SEPTIN4: variants seen among roughly 807,000 people sequenced by gnomAD.
SEPTIN4 encodes septin 4.
SEPTIN4 carries 52 observed loss-of-function variants against 107.1 expected under a neutral mutation model. The observed-to-expected ratio is 0.49, with a 90% CI of 0.39 to 0.61. The LOEUF (loss-of-function observed/expected upper bound fraction) is 0.61. Among genes scored for constraint, SEPTIN4 ranks in the 20% least tolerant of loss-of-function variants. The pLI, the probability that SEPTIN4 is intolerant of heterozygous loss-of-function variation, is 0.00. For synonymous variants in SEPTIN4, 417 were observed against 467.0 expected (o/e 0.89, Z 1.38); for missense variants, 1,048 against 1,243.5 (o/e 0.84, Z 2.36).
chr17:58,543,514 GGAGA>G lies in SEPTIN4; in HGVS notation c.669_672del (p.Leu224Ter). The G allele has an allele frequency of 6.2e-7, 1 of 1,614,192 alleles. No homozygotes were observed. The highest frequency in any genetic ancestry group is 8.5e-7 in the Non-Finnish European group (1 of 1,180,032). On this transcript the variant is annotated frameshift_variant, in exon 1 of 14. Transcript: ENST00000672673. LOFTEE classifies it high-confidence loss of function. The stretch of plus-strand genomic sequence containing the variant: ...GAGACACAGCTGCTTCCGTGCTCTA[GGAGA>G]GAGGGACTCCTTGGAGATCTGATCT...
chr17:58,520,365 G>T lies in SEPTIN4; in HGVS notation c.*61C>A. ...GGGGCCTGAGCAGAGCTGGTGCTGG[G>T]AGGGGCCGGCATGGACAGGAAGAAG... On this transcript the variant is annotated 3_prime_UTR_variant, in exon 14 of 14. Transcript: ENST00000672673. The T allele has an allele frequency of 6.5e-7, 1 of 1,534,938 alleles. No individual in the cohort carries two copies. The highest frequency in any genetic ancestry group is 1.1e-5 in the South Asian group (1 of 87,304).
chr17:58,523,357 G>A (rs1224801993), intron 7 of SEPTIN4, among the ~76,000 whole-genome samples: 2 of 143,080 alleles, frequency 1.4e-5, no homozygotes, highest in East Asian at 2.1e-4. Flanking sequence ...GCAACAGAGT[G>A]AGAACCAGTC....
At position 58,543,487 on chromosome 17, in the gene SEPTIN4, C is replaced by A. The variant is rs751815974; in HGVS notation, c.700G>T (p.Ala234Ser). 6.2e-7 allele frequency: 1 copy of A among 1,614,074 alleles called. No individual in the cohort carries two copies. The highest frequency in any genetic ancestry group is 1.3e-5 in the African/African-American group (1 of 74,922). The part of the protein sequence containing the change: ...LLEHGSSCVS[A>S]DYQTAQRRVP... ...CTTCTCTGGGCTGTCTGATAGTCTGCAGAGACACAGCTGCTTCCGTGCTCT... is the reference window on the plus strand; with the variant it reads ...CTTCTCTGGGCTGTCTGATAGTCTGAAGAGACACAGCTGCTTCCGTGCTCT... The change falls in exon 1 of 14, where the codon GCA becomes TCA. Residue 234 changes from alanine (A) to serine (S), a missense_variant. By Grantham distance (99) the Ala-to-Ser change is moderately conservative. Coordinates refer to ENST00000672673, the MANE Select transcript of SEPTIN4 (RefSeq NM_001368771.2).
chr17:58,527,539 G>A (rs2043056667), intron 3 of SEPTIN4: 1 of 227,086 alleles, frequency 4.4e-6, no homozygotes, highest in South Asian at 6.2e-5. Flanking sequence ...GGGGACTGGG[G>A]TACAGATTCT....
intron 2 of SEPTIN4, 146 bp from the exon 3 acceptor site, chr17:58,540,819 G>T: frequency 1.3e-6 from 1 of 742,264 alleles, no homozygotes; most frequent in Non-Finnish European, 1.9e-6. Context: ...TAGTGCAAGT[G>T]GCCCAAACAA....
chr17:58,528,991 G>A lies in SEPTIN4; in HGVS notation c.1615-2013C>T, dbSNP rs973736180. ...CAGGACACCAGGGTCCTCACCTCCT[G>A]CCTGTCCATCCCCACTCCCAGCTCT... On this transcript the variant is annotated intron_variant, in intron 3 of 13. Transcript: ENST00000672673. 7 of 1,167,904 alleles carry A rather than the reference G, an allele frequency of 6.0e-6. No homozygotes were observed. The African/African-American group carries it at 9.1e-5, about 15-fold the overall frequency. The allele number at this position is 1,167,904 out of a possible 1,614,324, so 72.3% of individuals were successfully genotyped here.
In SEPTIN4 at chr17:58,542,810, C is replaced by T. The variant is rs1567979066; in HGVS notation, c.1377G>A (p.Leu459=). The change falls in exon 1 of 14, where the codon TTG becomes TTA. Residue 459 remains leucine (L), a synonymous_variant. Transcript: ENST00000672673. ...GGCTAGAGTCTATTTTAAAACCGGA[C>T]AATAAAAGATCTAGGGAAGGAGAGC... is the stretch of plus-strand genomic sequence containing the variant. ...PKCSPSLDLL[L]SGFKIDSSPF... is the part of the protein sequence containing the mutation. The T allele has an allele frequency of 6.2e-7, 1 of 1,614,052 alleles. No homozygotes were observed. The highest frequency in any genetic ancestry group is 1.3e-5 in the African/African-American group (1 of 74,964).
chr17:58,520,347 G>C lies in SEPTIN4; in HGVS notation c.*79C>G. ...GAAGTGGCAGTAGCTGAAGGGGCCT[G>C]AGCAGAGCTGGTGCTGGGAGGGGCC... On this transcript the variant is annotated 3_prime_UTR_variant, in exon 14 of 14. Coordinates refer to ENST00000672673, the MANE Select transcript of SEPTIN4 (RefSeq NM_001368771.2). 1 of 1,383,084 alleles carries C rather than the reference G, an allele frequency of 7.2e-7. No homozygotes were observed. The highest frequency in any genetic ancestry group is 1.2e-5 in the South Asian group (1 of 83,032). The allele number at this position is 1,383,084 out of a possible 1,614,324, so 85.7% of individuals were successfully genotyped here.
intron 4 of SEPTIN4, 54 bp from the exon 5 acceptor site, chr17:58,526,367 C>A (rs1016613809): frequency 6.9e-7 from 1 of 1,450,340 alleles, no homozygotes; most frequent in Non-Finnish European, 9.1e-7. Flanking sequence ...GGGGCCCCGG[C>A]ACCCAGCGCC....
chr17:58,525,454 A>G (rs912726120), intron 6 of SEPTIN4: 1 of 610,462 alleles, frequency 1.6e-6, no homozygotes, highest in Non-Finnish European at 2.9e-6. Context: ...GATTCCTGGA[A>G]TCCTTGGGGG....
intron 3 of SEPTIN4, among the ~76,000 whole-genome samples, chr17:58,536,629 C>T (rs1050685199): frequency 6.6e-6 from 1 of 152,158 alleles, no homozygotes; most frequent in African/African-American, 2.4e-5. Flanking sequence ...GCCAAGGAAG[C>T]GACACCCACA....
chr17:58,533,453 T>G (rs1423423153), intron 3 of SEPTIN4, among the ~76,000 whole-genome samples: 1 of 152,144 alleles, frequency 6.6e-6, no homozygotes, highest in African/African-American at 2.4e-5. Context: ...AAGGAGGATA[T>G]GCTGTATGCT....
At chr17:58,525,432 GT>G in intron 6 of SEPTIN4, 1 of 623,980 alleles carries the variant, frequency 1.6e-6, no homozygotes, top group South Asian at 2.0e-5. Flanking sequence ...TCTGCTCCCG[GT>G]TTTTTTCTTG....
At chr17:58,537,666 C>T (rs948150706) in intron 3 of SEPTIN4, among the ~76,000 whole-genome samples, 3 of 152,064 alleles carry the variant, frequency 2.0e-5, no homozygotes, top group Non-Finnish European at 4.4e-5. Context: ...CTCGTCTCCA[C>T]TAAAAATACA....
chr17:58,522,666 A>G (rs2042398726), intron 7 of SEPTIN4, among the ~76,000 whole-genome samples: 1 of 151,750 alleles, frequency 6.6e-6, no homozygotes, highest in African/African-American at 2.4e-5. Flanking sequence ...AAAAAAAAAA[A>G]AAAAAGAAGA....
Position 58,543,933 on chromosome 17 carries a change from G to A in SEPTIN4, c.254C>T (p.Pro85Leu), listed in dbSNP as rs2043957618. The change falls in exon 1 of 14, where the codon CCT becomes CTT. Residue 85 changes from proline (P) to leucine (L), a missense_variant. Pro to Leu is a moderately conservative substitution (Grantham distance 98, BLOSUM62 -3). Transcript: ENST00000672673. Reference sequence around the variant, plus strand: ...TCTTGGTCCAGTCTCGGGTCCCCGAGGAGTGGGTACTGCATAGTGTCCAGG... The same window carrying A: ...TCTTGGTCCAGTCTCGGGTCCCCGAAGAGTGGGTACTGCATAGTGTCCAGG... ...SGPGHYAVPT[P>L]RGPETGPRTE... is the part of the protein sequence containing the mutation. 6.2e-7 allele frequency: 1 copy of A among 1,613,946 alleles called. No individual in the cohort carries two copies. Among genetic ancestry groups the A allele is most frequent in the African/African-American group, 1.3e-5 (1 of 74,892 alleles).
intron 13 of SEPTIN4, 76 bp downstream of exon 13, chr17:58,520,663 ATCTT>A: frequency 6.3e-7 from 1 of 1,577,812 alleles, no homozygotes; most frequent in South Asian, 1.1e-5. Context: ...AGAGCCAGGG[ATCTT>A]TCTATTACCA....
chr17:58,529,920 G>T (rs1408497045), intron 3 of SEPTIN4: 1 of 151,926 alleles, frequency 6.6e-6, no homozygotes, highest in Non-Finnish European at 1.5e-5. Context: ...CTTACCCTAG[G>T]ACACCTGACC....
chr17:58,527,015 G>T (rs778712438), intron 3 of SEPTIN4, 37 bp from the exon 4 acceptor site: 2 of 1,613,564 alleles, frequency 1.2e-6, no homozygotes, highest in South Asian at 2.2e-5. Flanking sequence ...GATGGGTGGT[G>T]CCGGGAAGGG....
Sources: allele counts gnomAD v4.1 joint callset (sites outside exome capture counted in the v4.1 genomes callset), GRCh38; gene constraint gnomAD v4.1.1; transcripts MANE v1.5; gene names NCBI Gene and HGNC (gene_info 2026-07-23, HGNC 2026-07-21).